The following MRPS28 variants were observed in gnomAD, a reference collection of about 807,000 sequenced individuals.
The protein encoded by MRPS28 is mitochondrial ribosomal protein S28.
In MRPS28, 7 loss-of-function variants were observed where a neutral mutation model predicts 10.8. The ratio of observed to expected loss-of-function variants is 0.65; its 90% CI spans 0.37 to 1.22. The LOEUF is 1.22. MRPS28 is among the 50% of genes most tolerant of loss of function. The probability of loss-of-function intolerance (pLI) is 0.02; values close to 1 mark genes in which losing one functional copy is unlikely to be tolerated. For synonymous variants in MRPS28, 121 were observed against 93.3 expected, an observed-to-expected ratio of 1.30 and a Z score of -1.71; for missense variants, 265 against 232.9, an observed-to-expected ratio of 1.14 and a Z score of -0.90.
chr8:79,988,485 A>G (rs1409636912), intron 2 of MRPS28, among the ~76,000 whole-genome samples: 1 of 151,490 alleles, frequency 6.6e-6, no homozygotes, highest in Non-Finnish European at 1.5e-5. Context: ...TAACTGTGAT[A>G]TATTTATGGA....
chr8:79,969,999 T>C (rs1484030782), intron 2 of MRPS28, among the ~76,000 whole-genome samples: 1 of 152,198 alleles, frequency 6.6e-6, no homozygotes. Flanking sequence ...CATGCTTGGA[T>C]ATAGCAATAA....
intron 2 of MRPS28, among the ~76,000 whole-genome samples, chr8:79,954,562 A>G (rs1485379187): frequency 6.6e-6 from 1 of 152,118 alleles, no homozygotes; most frequent in Non-Finnish European, 1.5e-5. Flanking sequence ...TTTTCCATCA[A>G]ATATAGCCTG....
chr8:79,937,940 C>T (rs1806644871), intron 2 of MRPS28, among the ~76,000 whole-genome samples: 1 of 152,204 alleles, frequency 6.6e-6, no homozygotes, highest in Non-Finnish European at 1.5e-5. Flanking sequence ...GATTTCTCTT[C>T]ACTGTACACA....
At chr8:79,986,226 A>G (rs1370876830) in intron 2 of MRPS28, among the ~76,000 whole-genome samples, 1 of 152,158 alleles carries the variant, frequency 6.6e-6, no homozygotes, top group East Asian at 1.9e-4. Flanking sequence ...AAAATCAACA[A>G]CCCTTCATGC....
intron 2 of MRPS28, among the ~76,000 whole-genome samples, chr8:79,998,428 G>A (rs1429541969): frequency 1.3e-5 from 2 of 152,180 alleles, no homozygotes; most frequent in Admixed American, 6.5e-5. Context: ...ATATACGTAT[G>A]TCTATTTTGC....
intron 2 of MRPS28, among the ~76,000 whole-genome samples, chr8:79,970,963 G>C (rs532319263): frequency 6.6e-6 from 1 of 152,316 alleles, no homozygotes; most frequent in Non-Finnish European, 1.5e-5. Flanking sequence ...GAATTGCACT[G>C]TATAGTAACT....
chr8:79,950,845 T>C lies in MRPS28; in HGVS notation c.396-31697A>G, dbSNP rs536922213. Among the ~76,000 whole-genome samples, 12 of 152,340 alleles carry C rather than the reference T, an allele frequency of 7.9e-5. No individual in the cohort carries two copies. In the East Asian group the frequency reaches 2.3e-3, roughly 29 times the overall value. ...AGTCAGTCAGTGTGAAGTCAGAGCATATGCCCTGTAGCTTTCACTTTAGGA... is the reference window on the plus strand; with the variant it reads ...AGTCAGTCAGTGTGAAGTCAGAGCACATGCCCTGTAGCTTTCACTTTAGGA... On this transcript the variant is annotated intron_variant, in intron 2 of 2. Transcript: ENST00000276585.
intron 2 of MRPS28, among the ~76,000 whole-genome samples, chr8:79,953,018 G>T (rs932895130): frequency 6.6e-6 from 1 of 152,174 alleles, no homozygotes; most frequent in Non-Finnish European, 1.5e-5. Context: ...CCATGGAGCT[G>T]AAGTCAGTGC....
chr8:79,986,535 C>T (rs1436392111), intron 2 of MRPS28, among the ~76,000 whole-genome samples: 2 of 152,226 alleles, frequency 1.3e-5, no homozygotes, highest in African/African-American at 4.8e-5. Flanking sequence ...CCCGTTGTCT[C>T]AGCCCAAAAT....
intron 1 of MRPS28, chr8:80,028,616 G>A (rs372172623): frequency 3.1e-5 from 4 of 130,160 alleles, no homozygotes; most frequent in East Asian, 2.5e-4. Context: ...GGAGGCCAAT[G>A]TAATCACAGG....
chr8:79,928,963 T>C (rs1293919399), intron 2 of MRPS28, among the ~76,000 whole-genome samples: 1 of 152,122 alleles, frequency 6.6e-6, no homozygotes, highest in Non-Finnish European at 1.5e-5. Flanking sequence ...GGAGAATCGC[T>C]TGAACCCAGG....
chr8:80,003,155 A>G lies in MRPS28; in HGVS notation c.239T>C (p.Phe80Ser). Residue 80 changes from phenylalanine (F) to serine (S), a missense_variant, in exon 2 of 3, where the codon TTT becomes TCT. Transcript: ENST00000276585. ...AGGAGAATGTCTCAGCATAGATGCA[A>G]AGGATTCCACATTTTTTGGAGAACC... The part of the protein sequence containing the change: ...QKGSPKNVES[F>S]ASMLRHSPLT... The G allele has an allele frequency of 6.3e-7, 1 of 1,591,594 alleles. No homozygotes were observed. Among genetic ancestry groups the G allele is most frequent in the Non-Finnish European group, 8.5e-7 (1 of 1,173,894 alleles).
At chr8:79,920,953 A>T (rs2129839868) in intron 2 of MRPS28, among the ~76,000 whole-genome samples, 1 of 152,266 alleles carries the variant, frequency 6.6e-6, no homozygotes, top group East Asian at 1.9e-4. Flanking sequence ...TCCATCTTGA[A>T]TTAATTTTTG....
chr8:80,012,725 A>C (rs2130200665), intron 1 of MRPS28, among the ~76,000 whole-genome samples: 1 of 152,384 alleles, frequency 6.6e-6, no homozygotes, highest in South Asian at 2.1e-4. Context: ...AGGACCGTCA[A>C]GGTAGAAAGG....
intron 2 of MRPS28, among the ~76,000 whole-genome samples, chr8:80,000,860 G>A (rs978222553): frequency 1.3e-5 from 2 of 152,032 alleles, no homozygotes; most frequent in Non-Finnish European, 2.9e-5. Flanking sequence ...AGATCTCTAA[G>A]GCATTCTGAA....
intron 1 of MRPS28, among the ~76,000 whole-genome samples, chr8:80,010,534 G>A (rs952839955): frequency 2.0e-5 from 3 of 152,210 alleles, no homozygotes; most frequent in African/African-American, 7.2e-5. Context: ...AGCTCCAGCT[G>A]CAGCTGCAAT....
chr8:80,007,400 C>T (rs1033244580), intron 1 of MRPS28, among the ~76,000 whole-genome samples: 6 of 152,142 alleles, frequency 3.9e-5, no homozygotes, highest in Non-Finnish European at 7.4e-5. Context: ...TTATTCAACA[C>T]AGTGTTGGAA....
chr8:79,935,223 A>G (rs959796193), intron 2 of MRPS28, among the ~76,000 whole-genome samples: 1 of 152,206 alleles, frequency 6.6e-6, no homozygotes, highest in African/African-American at 2.4e-5. Flanking sequence ...GTCCCCAACA[A>G]AGAAGCCTCA....
intron 2 of MRPS28, among the ~76,000 whole-genome samples, chr8:79,936,119 G>A (rs1044220418): frequency 1.5e-4 from 23 of 151,818 alleles, no homozygotes; most frequent in African/African-American, 5.3e-4. Context: ...GGTCAAGGTG[G>A]GAGGATTGCT....
Sources: allele counts gnomAD v4.1 joint callset (sites outside exome capture counted in the v4.1 genomes callset), GRCh38; gene constraint gnomAD v4.1.1; transcripts MANE v1.5; gene names NCBI Gene and HGNC (gene_info 2026-07-23, HGNC 2026-07-21).